HIVEP3: variants seen among roughly 807,000 people sequenced by gnomAD.
HIVEP3 encodes the protein transcription factor HIVEP3.
In HIVEP3, 49 loss-of-function variants were observed where a neutral mutation model predicts 152.8. The ratio of observed to expected loss-of-function variants is 0.32; its 90% confidence interval spans 0.26 to 0.41. The LOEUF (loss-of-function observed/expected upper bound fraction) is 0.41. Ranked by LOEUF, HIVEP3 falls within the 10% of genes least tolerant of loss-of-function variation. HIVEP3 has a pLI of 1.00. For synonymous variants in HIVEP3, 1,269 were observed against 1,289.0 expected, an observed-to-expected ratio of 0.98 and a Z score of 0.33; for missense variants, 2,790 against 3,103.3, an observed-to-expected ratio of 0.90 and a Z score of 2.40.
chr1:41,643,145 A>G (rs1645400959), intron 2 of HIVEP3, among the ~76,000 whole-genome samples: 1 of 152,084 alleles, frequency 6.6e-6, no homozygotes, highest in South Asian at 2.1e-4. Flanking sequence ...TCTTCTCTCC[A>G]TGCTGCTGCC....
rs1007051920 is a variant in HIVEP3, at chr1:41,877,892, A to C, written c.-801+40521T>G. 1.3e-4 allele frequency among the ~76,000 whole-genome samples: 20 copies of C among 152,222 alleles called. 1 individual carries two copies. The highest frequency in any genetic ancestry group is 6.5e-5 in the Admixed American group (1 of 15,280). ...TAATGATAATCAGATAATTTAAATCAGATAATCTAAATCAGGTAATTTAGA... is the reference window on the plus strand; with the variant it reads ...TAATGATAATCAGATAATTTAAATCCGATAATCTAAATCAGGTAATTTAGA... On this transcript the variant is annotated intron_variant, in intron 1 of 8. Coordinates refer to ENST00000372583, the MANE Select transcript of HIVEP3 (RefSeq NM_024503.5).
In HIVEP3 at chr1:41,511,543, A is replaced by G. The variant is rs1301305520; in HGVS notation, c.6406-277T>C. Among the ~76,000 whole-genome samples the G allele has an allele frequency of 6.6e-6, 1 of 152,056 alleles. No homozygotes were observed. The highest frequency in any genetic ancestry group is 6.5e-5 in the Admixed American group (1 of 15,278). On this transcript the variant is annotated intron_variant, in intron 8 of 8. Coordinates refer to ENST00000372583, the MANE Select transcript of HIVEP3 (RefSeq NM_024503.5). This position sits in a 1 kb window ranked among gnomAD's most constrained non-coding sequence, Gnocchi z 4.9. ...TAGCCAGCATATCTGTCTTCAAAGG[A>G]GGGGATACTTGAGCGACGTGGGGCC...
intron 1 of HIVEP3, among the ~76,000 whole-genome samples, chr1:41,888,590 C>A (rs1644390239): frequency 6.6e-6 from 1 of 151,900 alleles, no homozygotes; most frequent in African/African-American, 2.4e-5. Flanking sequence ...AGGGCATCAT[C>A]AGATGTGAGC....
chr1:41,860,417 CA>C (rs1643872931), intron 1 of HIVEP3, among the ~76,000 whole-genome samples: 1 of 152,184 alleles, frequency 6.6e-6, no homozygotes, highest in Non-Finnish European at 1.5e-5. Flanking sequence ...CCCTGCTTTG[CA>C]TTTGGCTTTG....
At chr1:41,796,763 T>A (rs539475193) in intron 1 of HIVEP3, among the ~76,000 whole-genome samples, 14 of 152,330 alleles carry the variant, frequency 9.2e-5, no homozygotes, top group East Asian at 1.9e-4. Flanking sequence ...TTAGATTTTT[T>A]AAAAAAACAC....
intron 1 of HIVEP3, among the ~76,000 whole-genome samples, chr1:41,816,779 G>A (rs533624005): frequency 6.6e-6 from 1 of 152,284 alleles, no homozygotes; most frequent in Admixed American, 6.5e-5. Flanking sequence ...TCTCCTGCAA[G>A]CCCCATGAGA....
In HIVEP3 at chr1:41,643,736, G is replaced by A. The variant is rs143431953; in HGVS notation, c.-720-14789C>T. 5.9e-5 allele frequency among the ~76,000 whole-genome samples: 9 copies of A among 152,176 alleles called. No homozygotes were observed. In the East Asian group the frequency reaches 1.4e-3, roughly 23 times the overall value. ...CTACATGGCCTAGGAACCTGGAGAC[G>A]GACAGAGGTCTTAGGGTGTTTCCAG... On this transcript the variant is annotated intron_variant, in intron 2 of 8. Transcript: ENST00000372583.
intron 2 of HIVEP3, among the ~76,000 whole-genome samples, chr1:41,687,231 T>C (rs1468899672): frequency 6.6e-6 from 1 of 152,198 alleles, no homozygotes; most frequent in Non-Finnish European, 1.5e-5. Flanking sequence ...AGAAAATCAC[T>C]GGGGCTGTGA....
In HIVEP3 at chr1:41,513,194, G is replaced by A; in HGVS notation, c.6027C>T (p.Ser2009=). The A allele has an allele frequency of 2.5e-6, 4 of 1,613,878 alleles. No individual in the cohort carries two copies. The highest frequency in any genetic ancestry group is 1.7e-6 in the Non-Finnish European group (2 of 1,180,002). The change falls in exon 8 of 9, where the codon AGC becomes AGT. Residue 2009 remains serine (S), a synonymous_variant. Transcript: ENST00000372583. ...PAREPQASAP[S]PPGLHVDPGR... is the part of the protein sequence containing the mutation. ...CTGGGTCCACGTGCAGGCCAGGTGG[G>A]CTTGGGGCTGAGGCCTGTGGTTCTC...
intron 6 of HIVEP3, 67 bp from the exon 7 acceptor site, chr1:41,518,555 T>G: frequency 1.4e-6 from 2 of 1,429,414 alleles, no homozygotes; most frequent in Admixed American, 1.7e-5. Flanking sequence ...CCAGGGCTCA[T>G]GGAGGTAGCA....
intron 1 of HIVEP3, among the ~76,000 whole-genome samples, chr1:42,020,097 C>A (rs1026519673): frequency 6.6e-6 from 1 of 151,874 alleles, no homozygotes; most frequent in East Asian, 1.9e-4. Context: ...TCACTAAATT[C>A]ATTTTGATTA....
intron 1 of HIVEP3, among the ~76,000 whole-genome samples, chr1:41,985,345 C>T (rs1480761199): frequency 6.6e-6 from 1 of 152,148 alleles, no homozygotes; most frequent in African/African-American, 2.4e-5. Context: ...TTGCCAGAGA[C>T]TGGGTGGCTT....
chr1:41,862,067 C>T (rs965768073), intron 1 of HIVEP3, among the ~76,000 whole-genome samples: 9 of 152,098 alleles, frequency 5.9e-5, no homozygotes, highest in Admixed American at 3.3e-4. Context: ...GAGGTGGCAT[C>T]GTCAGACATA....
chr1:41,823,083 A>G (rs932564565), intron 1 of HIVEP3, among the ~76,000 whole-genome samples: 1 of 152,220 alleles, frequency 6.6e-6, no homozygotes, highest in Non-Finnish European at 1.5e-5. Context: ...CTATGGCCTT[A>G]TAAAAAGAAG....
chr1:41,598,146 CG>C (rs1225617316), intron 3 of HIVEP3, among the ~76,000 whole-genome samples: 2 of 152,174 alleles, frequency 1.3e-5, no homozygotes, highest in Non-Finnish European at 2.9e-5. Flanking sequence ...ATGAGAGTTG[CG>C]CAGGCCCAGC....
Position 41,511,220 on chromosome 1 carries a change from T to G in HIVEP3, c.6452A>C (p.His2151Pro). Residue 2151 changes from histidine to proline, a missense_variant, in exon 9 of 9, where the codon CAT becomes CCT. Transcript: ENST00000372583. This position sits in a 1 kb window ranked among gnomAD's most constrained non-coding sequence, Gnocchi z 4.9. ...RSPSCSPGPA[H>P]PLSSRPFSAL... is the part of the protein sequence containing the mutation. Reference sequence around the variant, plus strand: ...GGAGAAGGGTCGGGAGGAGAGAGGATGAGCAGGGCCGGGTGAGCAGGAGGG... The same window carrying G: ...GGAGAAGGGTCGGGAGGAGAGAGGAGGAGCAGGGCCGGGTGAGCAGGAGGG... 1 of 1,613,270 alleles carries G rather than the reference T, an allele frequency of 6.2e-7. No individual in the cohort carries two copies. The highest frequency in any genetic ancestry group is 8.5e-7 in the Non-Finnish European group (1 of 1,179,664).
chr1:41,774,187 G>GTC (rs1257842944), intron 1 of HIVEP3, among the ~76,000 whole-genome samples: 2 of 152,262 alleles, frequency 1.3e-5, no homozygotes, highest in Non-Finnish European at 2.9e-5. Context: ...AGAACAGCGT[G>GTC]TCTCGGGTTT....
chr1:41,532,265 CA>C (rs1306094950), intron 5 of HIVEP3, among the ~76,000 whole-genome samples: 2 of 147,914 alleles, frequency 1.4e-5, no homozygotes, highest in African/African-American at 2.5e-5. Flanking sequence ...GAAGGGAGGA[CA>C]GGGGAGATAG....
At chr1:41,635,199 C>A (rs1645250897) in intron 2 of HIVEP3, among the ~76,000 whole-genome samples, 2 of 152,002 alleles carry the variant, frequency 1.3e-5, no homozygotes, top group African/African-American at 4.8e-5. Context: ...TCTAAAAAAA[C>A]TCTTGAATCA....
Sources: allele counts gnomAD v4.1 joint callset (sites outside exome capture counted in the v4.1 genomes callset), GRCh38; gene constraint gnomAD v4.1.1; non-coding constraint Gnocchi (gnomAD v3.1); transcripts MANE v1.5; gene names NCBI Gene and HGNC (gene_info 2026-07-23, HGNC 2026-07-21).